Variants in PLTP observed in about 807,000 individuals in gnomAD.
PLTP encodes the protein phospholipid transfer protein.
Under a neutral mutation model 54.1 loss-of-function variants are expected in PLTP, and 43 were observed. That is an observed-to-expected ratio of 0.79 (90% CI 0.62 to 1.02). The LOEUF is 1.02. Ranked by LOEUF, PLTP falls within the 50% of genes least tolerant of loss-of-function variation. PLTP has a pLI of 0.00. For missense variants in PLTP, 604 were observed against 645.9 expected, an observed-to-expected ratio of 0.94 and a Z score of 0.70; for synonymous variants, 263 against 264.6, an observed-to-expected ratio of 0.99 and a Z score of 0.06.
Position 45,909,538 on chromosome 20 carries a change from C to T in PLTP, c.463G>A (p.Ala155Thr), listed in dbSNP as rs144016582. 2.1e-4 allele frequency: 345 copies of T among 1,614,054 alleles called. No homozygotes were observed. Among genetic ancestry groups the T allele is most frequent in the Admixed American group, 1.1e-3 (68 of 59,990 alleles). ...SCQASVSRMH[A>T]AFGGTFKKVY... ...TACTTGAAGGTTCCCCCGAAGGCCGCGTGCATTCTGGAGACAGAGGCCTGG... is the reference window on the plus strand; with the variant it reads ...TACTTGAAGGTTCCCCCGAAGGCCGTGTGCATTCTGGAGACAGAGGCCTGG... Residue 155 changes from alanine to threonine, a missense_variant, in exon 5 of 16, where the codon GCG (alanine) becomes ACG (threonine). By Grantham distance (58) the Ala-to-Thr change is moderately conservative. Coordinates refer to ENST00000372431, the MANE Select transcript of PLTP (RefSeq NM_006227.4).
intron 13 of PLTP, 65 bp downstream of exon 13, chr20:45,899,770 AG>A (rs1207011108): frequency 1.3e-5 from 21 of 1,592,344 alleles, no homozygotes; most frequent in Non-Finnish European, 1.6e-5. Flanking sequence ...TTATATGAGG[AG>A]GGGGGGATGG....
chr20:45,906,067 G>A (rs1269844439), intron 8 of PLTP, among the ~76,000 whole-genome samples: 1 of 152,176 alleles, frequency 6.6e-6, no homozygotes, highest in Admixed American at 6.5e-5. Context: ...ATAAAAGGTG[G>A]GGCCAGGTAA....
intron 7 of PLTP, 73 bp from the exon 8 acceptor site, chr20:45,906,432 G>T: frequency 1.8e-6 from 2 of 1,103,842 alleles, no homozygotes; most frequent in Non-Finnish European, 2.7e-6. Context: ...CAGGCTCAGA[G>T]GCCCACCCAT....
intron 10 of PLTP, 129 bp downstream of exon 10, chr20:45,904,671 G>T: frequency 1.2e-6 from 1 of 843,760 alleles, no homozygotes. Context: ...ATGACAAGGC[G>T]AGGGGGATTG....
chr20:45,904,834 A>T lies in PLTP; in HGVS notation c.908T>A (p.Leu303Gln). The T allele has an allele frequency of 6.2e-7, 1 of 1,614,238 alleles. No homozygotes were observed. Among genetic ancestry groups the T allele is most frequent in the Non-Finnish European group, 8.5e-7 (1 of 1,180,044 alleles). Residue 303 changes from leucine (L) to glutamine (Q), a missense_variant, in exon 10 of 16, where the codon CTG (leucine) becomes CAG (glutamine). Physicochemically the swap from Leu to Gln is moderately radical, Grantham distance 113. Transcript: ENST00000372431. The part of the protein sequence containing the change: ...DKVPHDLDML[L>Q]RATYFGSIVL... ...AATGCTCCCAAAGTAGGTGGCCCTC[A>T]GCAGCATGTCCAGGTCGTGGGGCAC... is the stretch of plus-strand genomic sequence containing the variant.
chr20:45,905,495 G>C (rs1434192382), intron 8 of PLTP, among the ~76,000 whole-genome samples: 1 of 152,370 alleles, frequency 6.6e-6, no homozygotes, highest in East Asian at 1.9e-4. Context: ...AACAACGTGT[G>C]TTTTCTTACT....
At chr20:45,906,462 C>A in intron 7 of PLTP, 103 bp from the exon 8 acceptor site, 4 of 859,146 alleles carry the variant, frequency 4.7e-6, no homozygotes, top group Middle Eastern at 4.4e-4. Context: ...ATACATCCTT[C>A]ACAGGGTTGT....
chr20:45,898,850 G>A lies in PLTP; in HGVS notation c.*91C>T. On this transcript the variant is annotated 3_prime_UTR_variant, in exon 16 of 16. Coordinates refer to ENST00000372431, the MANE Select transcript of PLTP (RefSeq NM_006227.4). This position sits in a 1 kb window ranked among gnomAD's most constrained non-coding sequence, Gnocchi z 4.6. ...GTCTTCTCTGTGGCACTGGGGGTTA[G>A]AGGGGGCACTACAGGCTATGAATGT... 5 of 1,431,036 alleles carry A rather than the reference G, an allele frequency of 3.5e-6. No homozygotes were observed. In the South Asian group the frequency reaches 6.3e-5, roughly 18 times the overall value. The allele number at this position is 1,431,036 out of a possible 1,614,324, so 88.6% of individuals were successfully genotyped here. A position where few individuals can be genotyped will look rare whatever the true frequency, so the allele number is the denominator to read the frequency against.
chr20:45,911,381 G>T lies in PLTP; in HGVS notation c.72C>A (p.Ile24=), dbSNP rs1186367908. The part of the protein sequence containing the change: ...GAHAEFPGCK[I]RVTSKALELV... ...GCTCCAGCGCCTTGGAGGTGACGCG[G>T]ATCTTGCAGCCTGGGAACTCTGCAT... The change falls in exon 2 of 16, where the codon ATC becomes ATA. Residue 24 remains isoleucine (I), a synonymous_variant. Transcript: ENST00000372431. The T allele has an allele frequency of 1.2e-6, 2 of 1,611,822 alleles. No homozygotes were observed. The highest frequency in any genetic ancestry group is 2.2e-5 in the East Asian group (1 of 44,884).
intron 5 of PLTP, 120 bp downstream of exon 5, chr20:45,909,396 G>T: frequency 9.5e-7 from 1 of 1,052,292 alleles, no homozygotes; most frequent in Non-Finnish European, 1.4e-6. Context: ...GCCAGGAAGT[G>T]ACAGAGCTGA....
intron 10 of PLTP, among the ~76,000 whole-genome samples, chr20:45,904,593 A>G (rs1464717208): frequency 6.6e-6 from 1 of 152,194 alleles, no homozygotes; most frequent in African/African-American, 2.4e-5. Flanking sequence ...TCCTCACAGC[A>G]GCTCTGCGAA....
At position 45,899,604 on chromosome 20, in the gene PLTP, C is replaced by T. The variant is rs2145827696; in HGVS notation, c.1282+18G>A. 1.2e-6 allele frequency: 2 copies of T among 1,614,162 alleles called. No individual in the cohort carries two copies. The highest frequency in any genetic ancestry group is 1.7e-6 in the Non-Finnish European group (2 of 1,180,028). ...TTCACCCCTCCTTTCTTCCTCCATC[C>T]TCACACCCCAGCCTTACCATTGAGC... is the stretch of plus-strand genomic sequence containing the variant. On this transcript the variant is annotated intron_variant, in intron 14 of 15. Coordinates refer to ENST00000372431, the MANE Select transcript of PLTP (RefSeq NM_006227.4).
rs1409805953 is a variant in PLTP at position 45,909,580 on chromosome 20, C to T, written c.421G>A (p.Val141Met). ...LSRDPAGRMK[V>M]SNVSCQASVS... ...GAGGCCTGGCAGGAGACATTGGACA[C>T]TTTCATCCGTCCAGCGGGATCCCGG... is the stretch of plus-strand genomic sequence containing the variant. Residue 141 changes from valine to methionine, a missense_variant, in exon 5 of 16, where the codon GTG (valine) becomes ATG (methionine). Transcript: ENST00000372431. The T allele has an allele frequency of 6.2e-7, 1 of 1,614,184 alleles. No individual in the cohort carries two copies.
intron 1 of PLTP, 147 bp from the exon 2 acceptor site, chr20:45,911,610 G>T: frequency 9.1e-7 from 1 of 1,097,404 alleles, no homozygotes; most frequent in Non-Finnish European, 1.3e-6. Context: ...CCTCCATATG[G>T]CAGATGTGGA....
rs537524236 is a variant in PLTP at position 45,909,563 on chromosome 20, G to T, written c.438C>A (p.Cys146Ter). ...AGRMKVSNVS[C>*]QASVSRMHAA... Reference sequence around the variant, plus strand: ...CGTGCATTCTGGAGACAGAGGCCTGGCAGGAGACATTGGACACTTTCATCC... The same window carrying T: ...CGTGCATTCTGGAGACAGAGGCCTGTCAGGAGACATTGGACACTTTCATCC... Residue 146 changes from cysteine to a stop codon, truncating the protein, a stop_gained, in exon 5 of 16, where the codon TGC becomes TGA. Coordinates refer to ENST00000372431, the MANE Select transcript of PLTP (RefSeq NM_006227.4). LOFTEE classifies it high-confidence loss of function. The T allele has an allele frequency of 6.2e-7, 1 of 1,614,190 alleles. No individual in the cohort carries two copies. Among genetic ancestry groups the T allele is most frequent in the Non-Finnish European group, 8.5e-7 (1 of 1,180,034 alleles).
intron 7 of PLTP, among the ~76,000 whole-genome samples, chr20:45,906,890 CAAAAAAAAAAAA>C (rs746783296): frequency 2.4e-5 from 1 of 41,030 alleles, no homozygotes; most frequent in East Asian, 4.4e-4. Flanking sequence ...GACTCCATCT[CAAAAAAAAAAAA>C]AAAAAAAAAA....
At position 45,904,875 on chromosome 20, in the gene PLTP, AGGAGTGAG is replaced by A. The variant is rs1568773873; in HGVS notation, c.883-24_883-17del. The stretch of plus-strand genomic sequence containing the variant: ...CGTGGGGCACCTGAACAGGGGAATC[AGGAGTGAG>A]GGAGTGAGCTCTGTCACAGACCTTC... On this transcript the variant is annotated splice_polypyrimidine_tract_variant and intron_variant, in intron 9 of 15. Transcript: ENST00000372431. 6.2e-7 allele frequency: 1 copy of A among 1,614,218 alleles called. No individual in the cohort carries two copies. Among genetic ancestry groups the A allele is most frequent in the South Asian group, 1.1e-5 (1 of 91,088 alleles).
At chr20:45,905,668 T>C (rs1468519862) in intron 8 of PLTP, among the ~76,000 whole-genome samples, 16 of 152,330 alleles carry the variant, frequency 1.1e-4, no homozygotes, top group Non-Finnish European at 4.4e-5. Flanking sequence ...CTCAAACTCC[T>C]GGGCTCAAGC....
rs71181874 is a variant in PLTP, at chr20:45,900,098, CTTTTTTTTTTT to C, written c.1176-231_1176-221del. 2.3e-4 allele frequency among the ~76,000 whole-genome samples: 13 copies of C among 55,748 alleles called. No individual in the cohort carries two copies. The East Asian group carries it at 3.3e-3, about 14-fold the overall frequency. The allele number at this position is 55,748 out of a possible 152,430, so 36.6% of individuals were successfully genotyped here. A position where few individuals can be genotyped will look rare whatever the true frequency, so the allele number is the denominator to read the frequency against. ...GCTACTTTTTATTTATTGAGCACCT[CTTTTTTTTTTT>C]TTTTTTTTTTTTTTTTTGAGACAGA... On this transcript the variant is annotated intron_variant, in intron 12 of 15. Transcript: ENST00000372431.
Sources: gnomAD v4.1 joint callset for allele counts (sites outside exome capture counted in the v4.1 genomes callset) on GRCh38, gnomAD v4.1.1 for gene constraint, Gnocchi (gnomAD v3.1) non-coding constraint, MANE v1.5 for transcripts, NCBI Gene and HGNC (gene_info 2026-07-23, HGNC 2026-07-21) for gene names.